The following PNISR variants were observed in gnomAD, a reference collection of about 807,000 sequenced individuals.
The protein encoded by PNISR is PNN interacting serine and arginine rich protein.
PNISR carries 20 observed loss-of-function variants against 93.4 expected under a neutral mutation model. That is an observed-to-expected ratio of 0.21 (90% CI 0.15 to 0.31). The LOEUF (loss-of-function observed/expected upper bound fraction) is 0.31. Among genes scored for constraint, PNISR ranks in the 10% least tolerant of loss-of-function variants. PNISR has a pLI of 1.00. For missense variants in PNISR, 893 were observed against 985.4 expected, an observed-to-expected ratio of 0.91 and a Z score of 1.25; for synonymous variants, 305 against 306.5, an observed-to-expected ratio of 0.99 and a Z score of 0.05.
In PNISR at chr6:99,401,058, T is replaced by C. The variant is rs754665402; in HGVS notation, c.1900A>G (p.Ser634Gly). 4 of 1,613,792 alleles carry C rather than the reference T, an allele frequency of 2.5e-6. No homozygotes were observed. In the South Asian group the frequency reaches 4.4e-5, roughly 18 times the overall value. ...ATTTTACGCCTATCTCGACTCCTACTGCGACTGGCACGATTGGTTCGTCTA... is the reference window on the plus strand; with the variant it reads ...ATTTTACGCCTATCTCGACTCCTACCGCGACTGGCACGATTGGTTCGTCTA... The part of the protein sequence containing the change: ...RDRRTNRASR[S>G]RSRDRRKIDD... Residue 634 changes from serine to glycine, a missense_variant, in exon 12 of 12, where the codon AGT (serine) becomes GGT (glycine). This residue lies in a region of PNISR where 866 missense variants were observed against 935.1 expected (regional missense o/e 0.93). Transcript: ENST00000369239.
chr6:99,414,770 T>C, intron 2 of PNISR, 80 bp from the exon 3 acceptor site: 1 of 611,892 alleles, frequency 1.6e-6, no homozygotes, highest in Non-Finnish European at 2.7e-6. Flanking sequence ...TATTATATGA[T>C]GATACATTTA....
chr6:99,399,886 C>T lies in PNISR; in HGVS notation c.*654G>A, dbSNP rs968279411. 6.6e-6 allele frequency: 1 copy of T among 152,030 alleles called. No homozygotes were observed. The highest frequency in any genetic ancestry group is 1.5e-5 in the Non-Finnish European group (1 of 67,976). 9.4% of individuals were successfully genotyped at this position (152,030 alleles called of 1,614,324 possible). ...GAGGTGAGAGAAGGTACCTTTAAAACCTGTTATACAAAATTCCAGCTGCCT... is the reference window on the plus strand; with the variant it reads ...GAGGTGAGAGAAGGTACCTTTAAAATCTGTTATACAAAATTCCAGCTGCCT... On this transcript the variant is annotated 3_prime_UTR_variant, in exon 12 of 12. Transcript: ENST00000369239.
chr6:99,413,430 C>CCATCCATT (rs1241150953), intron 3 of PNISR, among the ~76,000 whole-genome samples: 3 of 149,226 alleles, frequency 2.0e-5, no homozygotes, highest in Admixed American at 2.0e-4. Flanking sequence ...ATCCATCCAT[C>CCATCCATT]CATCCATTCA....
intron 2 of PNISR, 39 bp downstream of exon 2, chr6:99,416,310 A>C: frequency 1.7e-6 from 1 of 596,704 alleles, no homozygotes; most frequent in East Asian, 3.5e-5. Flanking sequence ...AATAAATAGG[A>C]AACACCAAGA....
intron 4 of PNISR, chr6:99,411,978 A>C (rs1776995906): frequency 8.2e-6 from 2 of 242,904 alleles, no homozygotes; most frequent in South Asian, 1.0e-4. Flanking sequence ...ATTAAAAAGG[A>C]ATAACACAAG....
chr6:99,419,152 CAAAAAAAAAAAAAAAAAAA>C (rs1166838873), intron 1 of PNISR, among the ~76,000 whole-genome samples: 1 of 19,804 alleles, frequency 5.0e-5, no homozygotes, highest in African/African-American at 1.8e-4. Context: ...GACTCCGTCT[CAAAAAAAAAAAAAAAAAAA>C]AAAAAAAAAA....
At chr6:99,419,438 A>C in intron 1 of PNISR, among the ~76,000 whole-genome samples, 1 of 152,170 alleles carries the variant, frequency 6.6e-6, no homozygotes, top group East Asian at 1.9e-4. Flanking sequence ...AGACTGCTAC[A>C]TACTGGCATG....
At chr6:99,414,530 C>G (rs777401261) in intron 3 of PNISR, 42 bp downstream of exon 3, 1 of 1,028,954 alleles carries the variant, frequency 9.7e-7, no homozygotes, top group Non-Finnish European at 1.5e-6. Flanking sequence ...CCCATTTCCA[C>G]ATATCCAACC....
chr6:99,407,057 T>C (rs1582787295), intron 7 of PNISR, among the ~76,000 whole-genome samples: 2 of 152,052 alleles, frequency 1.3e-5, no homozygotes, highest in African/African-American at 4.8e-5. Flanking sequence ...GAGTGGCTAA[T>C]GTCTGTAATC....
intron 9 of PNISR, 54 bp downstream of exon 9, chr6:99,404,549 T>C: frequency 1.1e-6 from 1 of 884,264 alleles, no homozygotes; most frequent in Non-Finnish European, 1.9e-6. Flanking sequence ...GCCAAAATAG[T>C]CATCAGAACC....
In PNISR at chr6:99,410,930, A is replaced by C. The variant is rs777899812; in HGVS notation, c.312T>G (p.Pro104=). 1 of 1,613,820 alleles carries C rather than the reference A, an allele frequency of 6.2e-7. No homozygotes were observed. Among genetic ancestry groups the C allele is most frequent in the South Asian group, 1.1e-5 (1 of 91,060 alleles). ...WGMHQQPPHP[P]PDQPWMPPTP... ...TTGGTGGCATCCATGGCTGATCTGG[A>C]GGGGGGTGTGGGGGTTGCTGATGCA... is the stretch of plus-strand genomic sequence containing the variant. The change falls in exon 5 of 12, where the codon CCT becomes CCG. Residue 104 remains proline (P), a synonymous_variant. Coordinates refer to ENST00000369239, the MANE Select transcript of PNISR (RefSeq NM_032870.4).
chr6:99,418,149 T>A (rs928358055), intron 1 of PNISR, among the ~76,000 whole-genome samples: 3 of 151,594 alleles, frequency 2.0e-5, no homozygotes, highest in African/African-American at 7.3e-5. Flanking sequence ...ATTATTATAT[T>A]TTTTTTGAGA....
chr6:99,400,624 A>G lies in PNISR; in HGVS notation c.2334T>C (p.His778=). 1 of 1,614,030 alleles carries G rather than the reference A, an allele frequency of 6.2e-7. No homozygotes were observed. The highest frequency in any genetic ancestry group is 1.1e-5 in the South Asian group (1 of 91,082). ...SKEKKAKKPK[H]SRSRSVEKSQ... is the part of the protein sequence containing the mutation. ...ATTTCTCCACGGATCGCGATCGACT[A>G]TGTTTAGGCTTCTTAGCCTTCTTTT... Residue 778 remains histidine (H), a synonymous_variant, in exon 12 of 12, where the codon CAT becomes CAC. Coordinates refer to ENST00000369239, the MANE Select transcript of PNISR (RefSeq NM_032870.4).
chr6:99,401,028 C>CTG lies in PNISR; in HGVS notation c.1929_1930insCA (p.Asp644GlnfsTer31). 6.2e-7 allele frequency: 1 copy of CTG among 1,613,798 alleles called. No homozygotes were observed. ...TTCCCACTAAGATTTCCACGTTGAT[C>CTG]ATCAATTTTACGCCTATCTCGACTC... On this transcript the variant is annotated frameshift_variant, in exon 12 of 12. Coordinates refer to ENST00000369239, the MANE Select transcript of PNISR (RefSeq NM_032870.4). LOFTEE classifies it high-confidence loss of function.
At position 99,400,469 on chromosome 6, in the gene PNISR, G is replaced by A. The variant is rs1429622287; in HGVS notation, c.*71C>T. ...TGAGTTTATTAAAGAGAGAGAGAAA[G>A]GACACTTTCAACTTTGAATAAATTC... On this transcript the variant is annotated 3_prime_UTR_variant, in exon 12 of 12. Transcript: ENST00000369239. 6.5e-7 allele frequency: 1 copy of A among 1,527,530 alleles called. No individual in the cohort carries two copies. The highest frequency in any genetic ancestry group is 8.8e-7 in the Non-Finnish European group (1 of 1,141,862). 94.6% of individuals were successfully genotyped at this position (1,527,530 alleles called of 1,614,324 possible).
At chr6:99,420,307 T>C (rs1778378073) in intron 1 of PNISR, among the ~76,000 whole-genome samples, 1 of 152,244 alleles carries the variant, frequency 6.6e-6, no homozygotes, top group Non-Finnish European at 1.5e-5. Context: ...CCAAAACAGG[T>C]AACTCTGGTC....
At chr6:99,404,542 A>G (rs1262078129) in intron 9 of PNISR, 61 bp downstream of exon 9, 1 of 859,498 alleles carries the variant, frequency 1.2e-6, no homozygotes, top group African/African-American at 1.6e-5. Flanking sequence ...AAAAAAGGCC[A>G]AAATAGTCAT....
chr6:99,413,068 T>C (rs968545583), intron 3 of PNISR, among the ~76,000 whole-genome samples: 6 of 140,872 alleles, frequency 4.3e-5, no homozygotes, highest in African/African-American at 1.6e-4. Flanking sequence ...CTTAGTTTAC[T>C]GAATTTTTAA....
chr6:99,412,106 G>A (rs62432269), intron 4 of PNISR: 19 of 292,900 alleles, frequency 6.5e-5, no homozygotes, highest in Non-Finnish European at 9.0e-5. Flanking sequence ...AAAAAAAAGG[G>A]AAGAAAAAGG....
Sources: gnomAD v4.1 joint callset for allele counts (sites outside exome capture counted in the v4.1 genomes callset) on GRCh38, gnomAD v4.1.1 for gene constraint, gnomAD v4.1.1 regional missense constraint, MANE v1.5 for transcripts, NCBI Gene and HGNC (gene_info 2026-07-23, HGNC 2026-07-21) for gene names.